The following PRDM2 variants were observed in gnomAD, a reference collection of about 807,000 sequenced individuals.
The protein encoded by PRDM2 is PR domain zinc finger protein 2.
PRDM2 carries 30 observed loss-of-function variants against 130.0 expected under a neutral mutation model. The ratio of observed to expected loss-of-function variants is 0.23; its 90% CI spans 0.17 to 0.31. PRDM2 has a LOEUF of 0.31. Among genes scored for constraint, PRDM2 ranks in the 10% least tolerant of loss-of-function variants. The pLI is 1.00. For missense variants in PRDM2, 2,011 were observed against 2,108.4 expected (o/e 0.95, Z 0.90); for synonymous variants, 871 against 782.4 (o/e 1.11, Z -1.89).
rs201827812 is a variant in PRDM2, at chr1:13,816,507, C to T, written c.5117C>T (p.Pro1706Leu). The change falls in exon 9 of 10, where the codon CCA becomes CTA. Residue 1706 changes from proline (P) to leucine (L), a missense_variant. Physicochemically the swap from Pro to Leu is moderately conservative, Grantham distance 98 (BLOSUM62 -3). Transcript: ENST00000311066. ...ITRQYRKVKA[P>L]AAAQFQGPFF... is the part of the protein sequence containing the mutation. ...AGGCAGTATAGGAAGGTCAAAGCTC[C>T]AGCTGCAGCCCAGTTCCAGGGACCA... 9.5e-5 allele frequency: 154 copies of T among 1,614,016 alleles called. No homozygotes were observed. The highest frequency in any genetic ancestry group is 2.5e-4 in the Admixed American group (15 of 59,990).
rs373445626 is a variant in PRDM2, at chr1:13,813,608, G to A, written c.5037-2819G>A. Among the ~76,000 whole-genome samples, 181 of 152,324 alleles carry A rather than the reference G, an allele frequency of 1.2e-3. 1 individual carries two copies. The highest frequency in any genetic ancestry group is 3.9e-3 in the African/African-American group (164 of 41,584). ...AGCACTTGTTCTTCCTACCTCCTGG[G>A]CTGCTGGGAGGGTTCAGAGAGAAAA... is the stretch of plus-strand genomic sequence containing the variant. On this transcript the variant is annotated intron_variant, in intron 8 of 9. Transcript: ENST00000311066.
chr1:13,817,608 C>T (rs1321457166), intron 9 of PRDM2, among the ~76,000 whole-genome samples: 1 of 151,414 alleles, frequency 6.6e-6, no homozygotes, highest in Non-Finnish European at 1.5e-5. Context: ...TTTATAAATA[C>T]AGACCTCAGA....
At chr1:13,706,113 A>T (rs1389162244) in intron 1 of PRDM2, among the ~76,000 whole-genome samples, 1 of 150,800 alleles carries the variant, frequency 6.6e-6, no homozygotes, top group Non-Finnish European at 1.5e-5. Context: ...CAATTTTGGG[A>T]CTCATCTTTG....
In PRDM2 at chr1:13,782,077, C is replaced by G; in HGVS notation, c.4282C>G (p.Leu1428Val). Residue 1428 changes from leucine (L) to valine (V), a missense_variant, in exon 8 of 10, where the codon CTA (leucine) becomes GTA (valine). Leu to Val is a conservative substitution (Grantham distance 32). Coordinates refer to ENST00000311066, the MANE Select transcript of PRDM2 (RefSeq NM_001393986.1). ...AAATGCATTGAAGAAAAAAAATCAGCTAGTACAGAAAGCAATTCTTCAGAA... is the reference window on the plus strand; with the variant it reads ...AAATGCATTGAAGAAAAAAAATCAGGTAGTACAGAAAGCAATTCTTCAGAA... ...KLNALKKKNQ[L>V]VQKAILQKNK... 1 of 1,614,078 alleles carries G rather than the reference C, an allele frequency of 6.2e-7. No individual in the cohort carries two copies. Among genetic ancestry groups the G allele is most frequent in the Middle Eastern group, 1.6e-4 (1 of 6,062 alleles).
At chr1:13,752,839 C>T (rs139397617) in intron 6 of PRDM2, among the ~76,000 whole-genome samples, 46 of 152,278 alleles carry the variant, frequency 3.0e-4, no homozygotes, top group Middle Eastern at 3.4e-3. Flanking sequence ...TGAAGTTTCC[C>T]TAGCCTTAAA....
chr1:13,772,321 T>G (rs1383977494), intron 6 of PRDM2: 1 of 152,248 alleles, frequency 6.6e-6, no homozygotes, highest in Non-Finnish European at 1.5e-5. Flanking sequence ...TTGTTTCTTA[T>G]CTTCATGACT....
At chr1:13,818,083 C>T (rs1299019465) in intron 9 of PRDM2, among the ~76,000 whole-genome samples, 1 of 152,190 alleles carries the variant, frequency 6.6e-6, no homozygotes, top group Non-Finnish European at 1.5e-5. Context: ...CCCCACAGCC[C>T]TGCTTGTATT....
At chr1:13,701,393 T>C (rs1007162206) in intron 1 of PRDM2, among the ~76,000 whole-genome samples, 2 of 152,220 alleles carry the variant, frequency 1.3e-5, no homozygotes, top group African/African-American at 4.8e-5. Flanking sequence ...AATGATTTCT[T>C]TTACAATGGT....
intron 7 of PRDM2, among the ~76,000 whole-genome samples, chr1:13,774,517 C>T (rs948178806): frequency 6.6e-6 from 1 of 152,174 alleles, no homozygotes; most frequent in Non-Finnish European, 1.5e-5. Context: ...AGTTCTGCCT[C>T]CTCATTGCAG....
chr1:13,816,362 C>T (rs1422697898), intron 8 of PRDM2, 65 bp from the exon 9 acceptor site: 2 of 1,587,152 alleles, frequency 1.3e-6, no homozygotes, highest in South Asian at 1.1e-5. Flanking sequence ...GAAGCCCCCC[C>T]AGCAATGTCT....
At chr1:13,813,961 A>T (rs1443472985) in intron 8 of PRDM2, among the ~76,000 whole-genome samples, 1 of 152,192 alleles carries the variant, frequency 6.6e-6, no homozygotes, top group African/African-American at 2.4e-5. Context: ...AACAGCAGAG[A>T]AAGGGAGAAG....
Position 13,806,212 on chromosome 1 carries a change from C to T in PRDM2, c.5037-10215C>T, listed in dbSNP as rs1645083959. Among the ~76,000 whole-genome samples, 1 of 152,060 alleles carries T rather than the reference C, an allele frequency of 6.6e-6. No homozygotes were observed. The highest frequency in any genetic ancestry group is 1.5e-5 in the Non-Finnish European group (1 of 68,016). On this transcript the variant is annotated intron_variant, in intron 8 of 9. Transcript: ENST00000311066. The surrounding 1 kb of genome is among the most constrained non-coding windows in gnomAD (Gnocchi z 4.1). ...ACACCGCCCTCTCCCAGTCTCTGCA[C>T]ATTACCAGCTGCTCCCCCGCATCCC...
intron 8 of PRDM2, among the ~76,000 whole-genome samples, chr1:13,784,434 A>G (rs965950067): frequency 1.2e-4 from 19 of 152,228 alleles, no homozygotes; most frequent in African/African-American, 4.3e-4. Context: ...TGTACTGTCT[A>G]TCCCTTTTGT....
chr1:13,729,797 C>T (rs1643043610), intron 2 of PRDM2, among the ~76,000 whole-genome samples: 1 of 152,178 alleles, frequency 6.6e-6, no homozygotes, highest in African/African-American at 2.4e-5. Flanking sequence ...AGAGACAAAC[C>T]TGTCTCTAGA....
At chr1:13,711,038 T>TC (rs1306738950) in intron 1 of PRDM2, among the ~76,000 whole-genome samples, 4 of 148,192 alleles carry the variant, frequency 2.7e-5, no homozygotes, top group Non-Finnish European at 5.9e-5. Flanking sequence ...TGAGCTGAGA[T>TC]CGTGCCACTG....
intron 6 of PRDM2, among the ~76,000 whole-genome samples, chr1:13,755,709 G>T (rs909615202): frequency 1.3e-5 from 2 of 151,678 alleles, no homozygotes; most frequent in Admixed American, 6.6e-5. Flanking sequence ...CCAGTTTACA[G>T]ATAGCTGTTA....
intron 6 of PRDM2, among the ~76,000 whole-genome samples, chr1:13,751,021 T>G (rs1643818238): frequency 6.6e-6 from 1 of 152,268 alleles, no homozygotes. Context: ...TAAATAGATT[T>G]GTAGTTTAAT....
intron 8 of PRDM2, among the ~76,000 whole-genome samples, chr1:13,795,195 C>T (rs904174063): frequency 2.0e-5 from 3 of 152,194 alleles, no homozygotes; most frequent in Non-Finnish European, 2.9e-5. Flanking sequence ...AACCAAATAA[C>T]CTCGCTTTGC....
intron 6 of PRDM2, among the ~76,000 whole-genome samples, chr1:13,756,101 A>AG (rs2100564172): frequency 6.6e-6 from 1 of 151,804 alleles, no homozygotes; most frequent in East Asian, 1.9e-4. Context: ...AAAAAAAAAA[A>AG]AATACAAAAA....
Sources: gnomAD v4.1 joint callset for allele counts (sites outside exome capture counted in the v4.1 genomes callset) on GRCh38, gnomAD v4.1.1 for gene constraint, Gnocchi (gnomAD v3.1) non-coding constraint, MANE v1.5 for transcripts, NCBI Gene and HGNC (gene_info 2026-07-23, HGNC 2026-07-21) for gene names.